PHLDB3: variants seen among roughly 807,000 people sequenced by gnomAD.
The protein encoded by PHLDB3 is pleckstrin homology-like domain family B member 3.
A neutral mutation model predicts 85.7 loss-of-function variants in PHLDB3; 86 were observed. The ratio of observed to expected loss-of-function variants is 1.00; its 90% CI spans 0.84 to 1.20. The LOEUF (loss-of-function observed/expected upper bound fraction) is 1.20, where lower values mean the gene tolerates loss of function less well. PHLDB3 is among the 50% of genes most tolerant of loss of function. PHLDB3 has a pLI of 0.00. For synonymous variants in PHLDB3, 376 were observed against 349.8 expected (o/e 1.07, Z -0.83); for missense variants, 995 against 873.0 (o/e 1.14, Z -1.76).
intron 5 of PHLDB3, among the ~76,000 whole-genome samples, chr19:43,497,500 T>C (rs1307985852): frequency 6.6e-6 from 1 of 151,964 alleles, no homozygotes; most frequent in Non-Finnish European, 1.5e-5. Flanking sequence ...GGATCACCTG[T>C]CAGGAGTTCG....
At chr19:43,491,258 T>C (rs773593528) in intron 9 of PHLDB3, among the ~76,000 whole-genome samples, 1 of 152,160 alleles carries the variant, frequency 6.6e-6, no homozygotes, top group Non-Finnish European at 1.5e-5. Flanking sequence ...TAATTTCCCA[T>C]ACAGAAGAAC....
At position 43,488,313 on chromosome 19, in the gene PHLDB3, T is replaced by C. The variant is rs190180333; in HGVS notation, c.1150-1190A>G. Among the ~76,000 whole-genome samples, 625 of 151,910 alleles carry C rather than the reference T, an allele frequency of 4.1e-3. 7 individuals carry two copies. Among genetic ancestry groups the C allele is most frequent in the African/African-American group, 0.014 (570 of 41,408 alleles). ...TCTACAAAAAAATAGAAAAATTAGC[T>C]GGGCATAGTGGCACGTGCCTGCAGT... On this transcript the variant is annotated intron_variant, in intron 9 of 15. Coordinates refer to ENST00000292140, the MANE Select transcript of PHLDB3 (RefSeq NM_198850.4).
chr19:43,501,658 C>T (rs1971601417), intron 4 of PHLDB3, 76 bp downstream of exon 4: 37 of 1,539,504 alleles, frequency 2.4e-5, no homozygotes, highest in Non-Finnish European at 3.2e-5. Context: ...CCCCGGGGCG[C>T]AGGTGGCTAG....
chr19:43,475,174 A>G lies in PHLDB3; in HGVS notation c.*236T>C, dbSNP rs917944794. The G allele has an allele frequency of 2.0e-5, 10 of 511,662 alleles. No homozygotes were observed. The highest frequency in any genetic ancestry group is 1.7e-4 in the Admixed American group (5 of 28,604). The allele number at this position is 511,662 out of a possible 1,614,324, so 31.7% of individuals were successfully genotyped here. A position where few individuals can be genotyped will look rare whatever the true frequency, so the allele number is the denominator to read the frequency against. ...TAAATAGTTTCTTCCCGCCCCTGCA[A>G]TCTTCCTCCTGCCCCGGGCAGGGCC... On this transcript the variant is annotated 3_prime_UTR_variant, in exon 16 of 16. Coordinates refer to ENST00000292140, the MANE Select transcript of PHLDB3 (RefSeq NM_198850.4).
At chr19:43,487,364 C>T (rs890402776) in intron 9 of PHLDB3, among the ~76,000 whole-genome samples, 4 of 151,920 alleles carry the variant, frequency 2.6e-5, no homozygotes, top group East Asian at 3.9e-4. Context: ...CACCTGAGGC[C>T]GGGAGCTCGA....
chr19:43,476,321 G>A (rs1195504849), intron 15 of PHLDB3, among the ~76,000 whole-genome samples: 1 of 152,096 alleles, frequency 6.6e-6, no homozygotes. Context: ...CTGATGGAAT[G>A]GGTTGATGCG....
intron 4 of PHLDB3, among the ~76,000 whole-genome samples, chr19:43,498,762 A>T (rs1323619406): frequency 6.6e-6 from 1 of 152,186 alleles, no homozygotes; most frequent in Non-Finnish European, 1.5e-5. Context: ...CAAAATCAAA[A>T]CAAAACAAAA....
At chr19:43,495,468 G>A in intron 7 of PHLDB3, 27 bp downstream of exon 7, 1 of 1,605,290 alleles carries the variant, frequency 6.2e-7, no homozygotes, top group Non-Finnish European at 8.5e-7. Flanking sequence ...GAGGACGGTA[G>A]GGTAGGGCAG....
chr19:43,477,939 C>A, intron 15 of PHLDB3, 108 bp downstream of exon 15: 3 of 752,484 alleles, frequency 4.0e-6, no homozygotes, highest in Non-Finnish European at 4.4e-6. Flanking sequence ...AGTACCCTGA[C>A]AGGAGAAGCT....
At chr19:43,496,854 GCTT>G in intron 6 of PHLDB3, 1 of 437,418 alleles carries the variant, frequency 2.3e-6, no homozygotes, top group East Asian at 3.6e-5. Flanking sequence ...TTGACCTTCA[GCTT>G]CTTTATTTAT....
In PHLDB3 at chr19:43,486,668, G is replaced by C; in HGVS notation, c.1369C>G (p.His457Asp). 1 of 1,613,970 alleles carries C rather than the reference G, an allele frequency of 6.2e-7. No homozygotes were observed. Among genetic ancestry groups the C allele is most frequent in the Non-Finnish European group, 8.5e-7 (1 of 1,179,870 alleles). Residue 457 changes from histidine (H) to aspartate (D), a missense_variant, in exon 12 of 16, where the codon CAC (histidine) becomes GAC (aspartate). His to Asp is a moderately conservative substitution (Grantham distance 81). Transcript: ENST00000292140. Reference sequence around the variant, plus strand: ...GCCTGCTGCAGGAGCCGCTCCATGTGGGCAATGTCTGGATGGATGGCCCCA... The same window carrying C: ...GCCTGCTGCAGGAGCCGCTCCATGTCGGCAATGTCTGGATGGATGGCCCCA... ...SCGAIHPDIA[H>D]MERLLQQAMA...
At chr19:43,489,686 T>G (rs759190482) in intron 9 of PHLDB3, among the ~76,000 whole-genome samples, 5 of 152,002 alleles carry the variant, frequency 3.3e-5, no homozygotes, top group Non-Finnish European at 7.4e-5. Context: ...AAAAGTTTGT[T>G]TTTTTTTGTG....
At position 43,503,937 on chromosome 19, in the gene PHLDB3, T is replaced by C; in HGVS notation, c.182A>G (p.Glu61Gly). The change falls in exon 2 of 16, where the codon GAA (glutamate) becomes GGA (glycine). Residue 61 changes from glutamate (E) to glycine (G), a missense_variant. By Grantham distance (98) the Glu-to-Gly change is moderately conservative. Coordinates refer to ENST00000292140, the MANE Select transcript of PHLDB3 (RefSeq NM_198850.4). ...EQQAEEEEVG[E>G]GSSTESSRDA... is the part of the protein sequence containing the mutation. ...GCGGCTGCTCTCAGTGCTGCTGCCT[T>C]CTCCCACTTCTTCTTCCTCTGCCTG... is the stretch of plus-strand genomic sequence containing the variant. The C allele has an allele frequency of 6.2e-7, 1 of 1,613,868 alleles. No homozygotes were observed. Among genetic ancestry groups the C allele is most frequent in the Non-Finnish European group, 8.5e-7 (1 of 1,179,792 alleles).
Position 43,503,909 on chromosome 19 carries a change from G to C in PHLDB3, c.210C>G (p.Asp70Glu). ...GEGSSTESSR[D>E]APEATPPIAM... ...CTGTCGCCCTCGGGCCCCTCACCGC[G>C]TCGCGGCTGCTCTCAGTGCTGCTGC... is the stretch of plus-strand genomic sequence containing the variant. The change falls in exon 2 of 16, where the codon GAC (aspartate) becomes GAG (glutamate). Residue 70 changes from aspartate (D) to glutamate (E), a missense_variant. Asp to Glu is a conservative substitution (Grantham distance 45). Transcript: ENST00000292140. 1 of 1,613,734 alleles carries C rather than the reference G, an allele frequency of 6.2e-7. No homozygotes were observed. The highest frequency in any genetic ancestry group is 8.5e-7 in the Non-Finnish European group (1 of 1,179,778).
intron 2 of PHLDB3, among the ~76,000 whole-genome samples, 167 bp from the exon 3 acceptor site, chr19:43,502,450 T>TA (rs1772075692): frequency 7.7e-6 from 1 of 130,528 alleles, no homozygotes; most frequent in Admixed American, 8.6e-5. Context: ...TTCTTTTTCT[T>TA]TCTTATCTTT....
intron 6 of PHLDB3, chr19:43,496,855 C>T: frequency 2.3e-6 from 1 of 439,192 alleles, no homozygotes; most frequent in Non-Finnish European, 3.6e-6. Flanking sequence ...TGACCTTCAG[C>T]TTCTTTATTT....
At chr19:43,477,515 TAA>T (rs144903376) in intron 15 of PHLDB3, among the ~76,000 whole-genome samples, 25 of 114,550 alleles carry the variant, frequency 2.2e-4, no homozygotes, top group East Asian at 2.3e-4. Flanking sequence ...AGACTCCATC[TAA>T]AAAAAAAAAA....
intron 15 of PHLDB3, among the ~76,000 whole-genome samples, chr19:43,476,986 A>C (rs1568471337): frequency 6.6e-6 from 1 of 151,954 alleles, no homozygotes; most frequent in African/African-American, 2.4e-5. Context: ...AAAAAAAAAA[A>C]CAGAGATGGG....
chr19:43,475,204 G>C lies in PHLDB3; in HGVS notation c.*206C>G, dbSNP rs1970896112. 5 of 625,982 alleles carry C rather than the reference G, an allele frequency of 8.0e-6. No homozygotes were observed. The highest frequency in any genetic ancestry group is 4.5e-4 in the Middle Eastern group (1 of 2,234). 38.8% of individuals were successfully genotyped at this position (625,982 alleles called of 1,614,324 possible). A position where few individuals can be genotyped will look rare whatever the true frequency, so the allele number is the denominator to read the frequency against. ...CCTCCTGCCCCGGGCAGGGCCTTAG[G>C]GGCCGGCGATCCCGTCGGGGGCAAG... is the stretch of plus-strand genomic sequence containing the variant. On this transcript the variant is annotated 3_prime_UTR_variant, in exon 16 of 16. Coordinates refer to ENST00000292140, the MANE Select transcript of PHLDB3 (RefSeq NM_198850.4).
Sources: gnomAD v4.1 joint callset for allele counts (sites outside exome capture counted in the v4.1 genomes callset) on GRCh38, gnomAD v4.1.1 for gene constraint, MANE v1.5 for transcripts, NCBI Gene and HGNC (gene_info 2026-07-23, HGNC 2026-07-21) for gene names.